The following DPF3 variants were observed in gnomAD, a reference collection of about 807,000 sequenced individuals.
DPF3 encodes the protein double PHD fingers 3, also known as zinc finger protein DPF3.
A neutral mutation model predicts 56.8 loss-of-function variants in DPF3; 18 were observed. The ratio of observed to expected loss-of-function variants is 0.32; its 90% confidence interval spans 0.22 to 0.47. The LOEUF is 0.47. Ranked by LOEUF, DPF3 falls within the 20% of genes least tolerant of loss-of-function variation. DPF3 has a pLI of 1.00. For missense variants in DPF3, 403 were observed against 488.8 expected, an observed-to-expected ratio of 0.82 and a Z score of 1.65; for synonymous variants, 188 against 180.2, an observed-to-expected ratio of 1.04 and a Z score of -0.35.
intron 1 of DPF3, among the ~76,000 whole-genome samples, chr14:72,850,789 G>A (rs1884949493): frequency 6.8e-6 from 1 of 147,876 alleles, no homozygotes; most frequent in Non-Finnish European, 1.5e-5. Context: ...TACTGGTGGG[G>A]CGTGTGTGCA....
At chr14:72,693,737 C>A (rs1189995897) in intron 6 of DPF3, among the ~76,000 whole-genome samples, 1 of 152,218 alleles carries the variant, frequency 6.6e-6, no homozygotes, top group African/African-American at 2.4e-5. Flanking sequence ...CAGGAGCACA[C>A]AACTAGTGTG....
intron 9 of DPF3, among the ~76,000 whole-genome samples, chr14:72,624,247 G>A (rs182238694): frequency 1.5e-4 from 23 of 150,938 alleles, no homozygotes; most frequent in East Asian, 3.9e-4. Context: ...GCAGAATTAC[G>A]AAAATCAGAA....
intron 8 of DPF3, among the ~76,000 whole-genome samples, chr14:72,642,560 G>A (rs1235722607): frequency 6.6e-6 from 1 of 152,176 alleles, no homozygotes; most frequent in East Asian, 1.9e-4. Flanking sequence ...ATATGAATGG[G>A]TGTGACCCCT....
At chr14:72,873,525 G>C (rs1325998158) in intron 1 of DPF3, among the ~76,000 whole-genome samples, 1 of 152,184 alleles carries the variant, frequency 6.6e-6, no homozygotes, top group African/African-American at 2.4e-5. Context: ...CGATTCCTCA[G>C]GGATCTAGAA....
chr14:72,674,455 G>T lies in DPF3; in HGVS notation c.743-87C>A, dbSNP rs997840018. ...CTCCTCCTACAGTGTGGTAGAATCT[G>T]CTCCAGAAGGAATCTGAGGTTTTAT... is the stretch of plus-strand genomic sequence containing the variant. On this transcript the variant is annotated intron_variant, in intron 7 of 10. Transcript: ENST00000556509. The T allele has an allele frequency of 1.5e-5, 22 of 1,489,074 alleles. No homozygotes were observed. The African/African-American group carries it at 3.1e-4, about 21-fold the overall frequency. 92.2% of individuals were successfully genotyped at this position (1,489,074 alleles called of 1,614,324 possible). A position where few individuals can be genotyped will look rare whatever the true frequency, so the allele number is the denominator to read the frequency against.
intron 1 of DPF3, among the ~76,000 whole-genome samples, chr14:72,798,254 CAAAAAAAAAAAAAAA>C (rs35648169): frequency 2.4e-3 from 127 of 53,962 alleles, no homozygotes; most frequent in African/African-American, 6.1e-3. Context: ...GCCTTCATCT[CAAAAAAAAAAAAAAA>C]AAAAAAAAAA....
intron 1 of DPF3, among the ~76,000 whole-genome samples, chr14:72,841,591 T>A (rs1290284801): frequency 6.6e-6 from 1 of 152,034 alleles, no homozygotes; most frequent in African/African-American, 2.4e-5. Flanking sequence ...TGAAAAAAAA[T>A]GAGAAATTTT....
chr14:72,689,905 G>A (rs139264414), intron 7 of DPF3, among the ~76,000 whole-genome samples: 242 of 152,314 alleles, frequency 1.6e-3, no homozygotes, highest in African/African-American at 5.6e-3. Context: ...TTCGAGGAGG[G>A]CACTGTGAGA....
intron 1 of DPF3, among the ~76,000 whole-genome samples, chr14:72,807,048 G>A (rs542912777): frequency 6.6e-6 from 1 of 152,248 alleles, no homozygotes; most frequent in African/African-American, 2.4e-5. Flanking sequence ...TACCCCGCAG[G>A]GTCAGGGAGG....
chr14:72,875,006 G>A (rs879709232), intron 1 of DPF3, among the ~76,000 whole-genome samples: 12 of 152,204 alleles, frequency 7.9e-5, no homozygotes, highest in Non-Finnish European at 1.2e-4. Flanking sequence ...GGCAGGAAGT[G>A]AAAGACACTT....
intron 1 of DPF3, among the ~76,000 whole-genome samples, chr14:72,836,915 A>G (rs1036787541): frequency 2.6e-5 from 4 of 151,962 alleles, no homozygotes; most frequent in Admixed American, 2.6e-4. Context: ...TGTGGCCCAC[A>G]CTGGAGTGCA....
At chr14:72,707,670 C>CTGTG (rs573066542) in intron 6 of DPF3, among the ~76,000 whole-genome samples, 15 of 135,172 alleles carry the variant, frequency 1.1e-4, no homozygotes, top group South Asian at 2.2e-4. Flanking sequence ...TAGTCGTCTT[C>CTGTG]TGTGTGCGTG....
chr14:72,889,361 G>T (rs141350726), intron 1 of DPF3, among the ~76,000 whole-genome samples: 2,933 of 152,302 alleles, frequency 0.019, 42 homozygotes, highest in Non-Finnish European at 0.029. Flanking sequence ...GAGGTTTGGA[G>T]AATTTAGGGC....
intron 8 of DPF3, among the ~76,000 whole-genome samples, chr14:72,644,523 G>C (rs1021333104): frequency 2.0e-5 from 3 of 152,196 alleles, no homozygotes; most frequent in African/African-American, 7.2e-5. Context: ...AGTTGGAATA[G>C]TACAAGAGAA....
chr14:72,679,602 C>G (rs1887069049), intron 7 of DPF3, among the ~76,000 whole-genome samples: 1 of 152,222 alleles, frequency 6.6e-6, no homozygotes, highest in African/African-American at 2.4e-5. Context: ...CGTTTGTTCC[C>G]CCCGCCACCC....
intron 3 of DPF3, among the ~76,000 whole-genome samples, chr14:72,736,536 T>C (rs923219177): frequency 2.0e-5 from 3 of 152,108 alleles, no homozygotes; most frequent in African/African-American, 4.8e-5. Context: ...CAAAGCATGA[T>C]GGGTAAGGCC....
chr14:72,884,953 T>TACATATATATATATATATATATATAC (rs1555516744), intron 1 of DPF3, among the ~76,000 whole-genome samples: 1 of 73,780 alleles, frequency 1.4e-5, no homozygotes, highest in Non-Finnish European at 2.9e-5. Flanking sequence ...TATATATATA[T>TACATATATATATATATATATATATAC]ATATATATAT....
At chr14:72,864,190 A>G (rs1422446378) in intron 1 of DPF3, among the ~76,000 whole-genome samples, 1 of 139,928 alleles carries the variant, frequency 7.1e-6, no homozygotes, top group Non-Finnish European at 1.5e-5. Context: ...GGGCCTGGGC[A>G]CAGGGCATCA....
At chr14:72,843,786 C>T (rs1884644719) in intron 1 of DPF3, among the ~76,000 whole-genome samples, 1 of 152,252 alleles carries the variant, frequency 6.6e-6, no homozygotes, top group Admixed American at 6.5e-5. Context: ...AGGTGATCCA[C>T]CCGCCTCAGC....
Sources: allele counts gnomAD v4.1 joint callset (sites outside exome capture counted in the v4.1 genomes callset), GRCh38; gene constraint gnomAD v4.1.1; transcripts MANE v1.5; gene names NCBI Gene and HGNC (gene_info 2026-07-23, HGNC 2026-07-21).